ENOX1: variants seen among roughly 807,000 people sequenced by gnomAD.
ENOX1 encodes ecto-NOX disulfide-thiol exchanger 1, also known as candidate growth-related and time keeping constitutive hydroquinone (NADH) oxidase.
In ENOX1, 42 loss-of-function variants were observed where a neutral mutation model predicts 82.5. The observed-to-expected ratio is 0.51, with a 90% CI of 0.40 to 0.66. The LOEUF (loss-of-function observed/expected upper bound fraction) is 0.66, where lower values mean the gene tolerates loss of function less well. Ranked by LOEUF, ENOX1 falls within the 30% of genes least tolerant of loss-of-function variation. The pLI, the probability that ENOX1 is intolerant of heterozygous loss-of-function variation, is 0.00. For synonymous variants in ENOX1, 271 were observed against 282.2 expected (o/e 0.96, Z 0.40); for missense variants, 608 against 811.6 (o/e 0.75, Z 3.05).
chr13:43,577,328 C>T (rs544404319), intron 2 of ENOX1, among the ~76,000 whole-genome samples: 38 of 152,176 alleles, frequency 2.5e-4, no homozygotes, highest in African/African-American at 4.6e-4. Context: ...GATGGAGTTT[C>T]GCCATGTTGG....
chr13:43,613,535 A>T (rs1000449226), intron 2 of ENOX1, among the ~76,000 whole-genome samples: 22 of 152,204 alleles, frequency 1.4e-4, no homozygotes, highest in Non-Finnish European at 2.5e-4. Flanking sequence ...AAATTGACAA[A>T]CCATTAGCTA....
rs139509404 is a variant in ENOX1, at chr13:43,249,503, T to C, written c.1612-12765A>G. Among the ~76,000 whole-genome samples the C allele has an allele frequency of 4.6e-5, 7 of 152,342 alleles. No individual in the cohort carries two copies. The East Asian group carries it at 1.3e-3, about 29-fold the overall frequency. ...GAATTAGTCGGTTTGATTTATCTTGTATGATACTAACTCTATTGCTGGTAA... is the reference window on the plus strand; with the variant it reads ...GAATTAGTCGGTTTGATTTATCTTGCATGATACTAACTCTATTGCTGGTAA... On this transcript the variant is annotated intron_variant, in intron 14 of 16. Coordinates refer to ENST00000690772, the MANE Select transcript of ENOX1 (RefSeq NM_001347969.2).
At chr13:43,294,928 A>G (rs1023819300) in intron 12 of ENOX1, among the ~76,000 whole-genome samples, 7 of 152,188 alleles carry the variant, frequency 4.6e-5, no homozygotes, top group Non-Finnish European at 1.0e-4. Flanking sequence ...AATAAAAGCT[A>G]TAAGGGTAGA....
chr13:43,669,845 A>C (rs568585636), intron 1 of ENOX1, among the ~76,000 whole-genome samples: 20 of 152,180 alleles, frequency 1.3e-4, no homozygotes, highest in African/African-American at 4.8e-4. Flanking sequence ...AAAACCTAGC[A>C]TTTTCTTAGC....
At chr13:43,655,582 G>A (rs2153780547) in intron 2 of ENOX1, among the ~76,000 whole-genome samples, 1 of 152,218 alleles carries the variant, frequency 6.6e-6, no homozygotes, top group African/African-American at 2.4e-5. Context: ...CTACCCGAAT[G>A]TCATGTTGAT....
intron 2 of ENOX1, among the ~76,000 whole-genome samples, chr13:43,600,804 C>T (rs1437110296): frequency 1.3e-5 from 2 of 152,162 alleles, no homozygotes; most frequent in Non-Finnish European, 2.9e-5. Flanking sequence ...ACCCCTCTTC[C>T]AGCTCCAGGC....
At chr13:43,520,246 T>C (rs1273244926) in intron 2 of ENOX1, among the ~76,000 whole-genome samples, 4 of 152,106 alleles carry the variant, frequency 2.6e-5, no homozygotes, top group East Asian at 1.9e-4. Context: ...AACTCTTCCA[T>C]AGTGGATCAG....
At chr13:43,311,870 G>T (rs1449642085) in intron 11 of ENOX1, among the ~76,000 whole-genome samples, 2 of 152,210 alleles carry the variant, frequency 1.3e-5, no homozygotes, top group East Asian at 1.9e-4. Flanking sequence ...GGAGGCAAAG[G>T]ATTAAGGGTA....
At chr13:43,281,878 A>G (rs972715612) in intron 12 of ENOX1, among the ~76,000 whole-genome samples, 11 of 152,280 alleles carry the variant, frequency 7.2e-5, no homozygotes, top group African/African-American at 2.4e-4. Flanking sequence ...TCCAGGGACA[A>G]TTTGAAAATG....
chr13:43,413,707 A>G (rs1168373356), intron 3 of ENOX1, among the ~76,000 whole-genome samples: 1 of 144,392 alleles, frequency 6.9e-6, no homozygotes, highest in Non-Finnish European at 1.5e-5. Context: ...ATTTTTATAT[A>G]TTTATATATA....
intron 14 of ENOX1, among the ~76,000 whole-genome samples, chr13:43,264,495 A>C (rs1486539150): frequency 1.3e-5 from 2 of 152,232 alleles, no homozygotes; most frequent in Non-Finnish European, 2.9e-5. Context: ...GGTAGGAACA[A>C]TAATGATTAA....
intron 2 of ENOX1, among the ~76,000 whole-genome samples, chr13:43,529,200 C>T (rs2078107629): frequency 1.3e-5 from 2 of 151,910 alleles, no homozygotes; most frequent in Non-Finnish European, 2.9e-5. Context: ...AATCTTGCAC[C>T]GTTCCACCCA....
In ENOX1 at chr13:43,757,629, C is replaced by G. The variant is rs887812411; in HGVS notation, c.-285+29023G>C. The stretch of plus-strand genomic sequence containing the variant: ...GCCATAGAGAGGTATCAATACACAC[C>G]TATCAGAGTGGCTAAAATAAAAAAT... On this transcript the variant is annotated intron_variant, in intron 1 of 16. Transcript: ENST00000690772. Among the ~76,000 whole-genome samples the G allele has an allele frequency of 3.3e-5, 5 of 152,162 alleles. 1 individual carries two copies. The highest frequency in any genetic ancestry group is 9.7e-5 in the African/African-American group (4 of 41,420).
intron 1 of ENOX1, among the ~76,000 whole-genome samples, chr13:43,700,144 T>C (rs956091253): frequency 1.3e-5 from 2 of 152,166 alleles, no homozygotes; most frequent in African/African-American, 4.8e-5. Flanking sequence ...ACTTGTACAT[T>C]CATAAACGAG....
chr13:43,436,616 C>G (rs894586829), intron 3 of ENOX1, among the ~76,000 whole-genome samples: 1 of 151,998 alleles, frequency 6.6e-6, no homozygotes, highest in South Asian at 2.1e-4. Context: ...TATTGGCCAG[C>G]TGCAAAAAAA....
intron 9 of ENOX1, among the ~76,000 whole-genome samples, chr13:43,340,142 G>A (rs2048971346): frequency 6.6e-6 from 1 of 152,236 alleles, no homozygotes; most frequent in Non-Finnish European, 1.5e-5. Flanking sequence ...TACCTACCAT[G>A]TTAGTCAGGT....
At chr13:43,691,533 C>T (rs186688391) in intron 1 of ENOX1, among the ~76,000 whole-genome samples, 2 of 152,212 alleles carry the variant, frequency 1.3e-5, no homozygotes, top group African/African-American at 4.8e-5. Flanking sequence ...TTCTGTCACA[C>T]ATTTCACACC....
intron 2 of ENOX1, among the ~76,000 whole-genome samples, chr13:43,499,754 C>A (rs980133764): frequency 6.6e-6 from 1 of 151,934 alleles, no homozygotes; most frequent in Non-Finnish European, 1.5e-5. Flanking sequence ...CTCCAGTAAC[C>A]AACCCTAAAG....
chr13:43,279,477 G>T (rs1335870686), intron 12 of ENOX1, among the ~76,000 whole-genome samples: 1 of 152,136 alleles, frequency 6.6e-6, no homozygotes, highest in East Asian at 1.9e-4. Flanking sequence ...ACAGAACACA[G>T]TAAAGGTAGA....
Sources: allele counts gnomAD v4.1 joint callset (sites outside exome capture counted in the v4.1 genomes callset), GRCh38; gene constraint gnomAD v4.1.1; transcripts MANE v1.5; gene names NCBI Gene and HGNC (gene_info 2026-07-23, HGNC 2026-07-21).